PRDM16: variants seen among roughly 807,000 people sequenced by gnomAD.
PRDM16 encodes the protein PR/SET domain 16, also known as histone-lysine N-methyltransferase PRDM16.
A neutral mutation model predicts 110.6 loss-of-function variants in PRDM16; 23 were observed. That is an observed-to-expected ratio of 0.21 (90% CI 0.15 to 0.29). The LOEUF is 0.29. PRDM16 is among the 10% of genes least tolerant of loss of function. PRDM16 has a pLI of 1.00. For missense variants in PRDM16, 1,615 were observed against 1,794.3 expected, an observed-to-expected ratio of 0.90 and a Z score of 1.81; for synonymous variants, 799 against 781.8, an observed-to-expected ratio of 1.02 and a Z score of -0.37.
At chr1:3,138,825 G>C (rs1643489429) in intron 1 of PRDM16, among the ~76,000 whole-genome samples, 1 of 152,194 alleles carries the variant, frequency 6.6e-6, no homozygotes, top group South Asian at 2.1e-4. Flanking sequence ...CCCTGCATGA[G>C]GGCACACAGC....
Position 3,425,863 on chromosome 1 carries a change from TACCCCTCAGGAAGCCAACAGGC to T in PRDM16, c.3109+122_3109+143del. On this transcript the variant is annotated intron_variant, in intron 13 of 16. Transcript: ENST00000270722. This position sits in a 1 kb window ranked among gnomAD's most constrained non-coding sequence, Gnocchi z 6.9. Reference sequence around the variant, plus strand: ...CCGGGCAGGGAAGAGGGCCACAGACTACCCCTCAGGAAGCCAACAGGCACCCCTCAAACCGTGGTCATTAAAG... The same window carrying T: ...CCGGGCAGGGAAGAGGGCCACAGACTACCCCTCAAACCGTGGTCATTAAAG... 7.3e-7 allele frequency: 1 copy of T among 1,377,726 alleles called. No individual in the cohort carries two copies. Among genetic ancestry groups the T allele is most frequent in the African/African-American group, 1.4e-5 (1 of 69,734 alleles). 85.3% of individuals were successfully genotyped at this position (1,377,726 alleles called of 1,614,324 possible).
chr1:3,075,462 G>T (rs1641875789), intron 1 of PRDM16, among the ~76,000 whole-genome samples: 1 of 152,196 alleles, frequency 6.6e-6, no homozygotes, highest in Non-Finnish European at 1.5e-5. Flanking sequence ...GCGGCCTACT[G>T]GAAAAATGTA....
In PRDM16 at chr1:3,411,823, C is replaced by G. The variant is rs776687433; in HGVS notation, c.1626C>G (p.Thr542=). Residue 542 remains threonine (T), a synonymous_variant, in exon 9 of 17, where the codon ACC becomes ACG. Transcript: ENST00000270722. ...TGCTCAAGAGCCCCCTGAACCACACCCAGGACGCCAAGCTCCCCAGTCCCC... is the reference window on the plus strand; with the variant it reads ...TGCTCAAGAGCCCCCTGAACCACACGCAGGACGCCAAGCTCCCCAGTCCCC... ...TSLLKSPLNH[T]QDAKLPSPLG... is the part of the protein sequence containing the mutation. 1.2e-6 allele frequency: 2 copies of G among 1,611,226 alleles called. No homozygotes were observed. Among genetic ancestry groups the G allele is most frequent in the East Asian group, 2.2e-5 (1 of 44,798 alleles).
At chr1:3,222,366 G>A (rs545264693) in intron 2 of PRDM16, among the ~76,000 whole-genome samples, 22 of 152,332 alleles carry the variant, frequency 1.4e-4, no homozygotes, top group Admixed American at 1.3e-3. Flanking sequence ...GCTCCAGCAG[G>A]CCTGGGTGCT....
chr1:3,333,106 G>A (rs1466869503), intron 3 of PRDM16, among the ~76,000 whole-genome samples: 2 of 152,180 alleles, frequency 1.3e-5, no homozygotes, highest in Non-Finnish European at 2.9e-5. Flanking sequence ...ATCTAGGCGT[G>A]GGATTGCAGG....
intron 3 of PRDM16, chr1:3,309,372 G>C (rs1641389251): frequency 6.6e-6 from 1 of 152,332 alleles, no homozygotes; most frequent in Non-Finnish European, 1.5e-5. Context: ...TTCTTCCCGG[G>C]ATGCGAGACC....
intron 1 of PRDM16, among the ~76,000 whole-genome samples, chr1:3,079,770 C>T (rs1641977896): frequency 6.6e-6 from 1 of 152,144 alleles, no homozygotes; most frequent in African/African-American, 2.4e-5. Flanking sequence ...AGTGTGAGGA[C>T]GTGTGTGTGC....
At chr1:3,136,031 C>T (rs996255050) in intron 1 of PRDM16, among the ~76,000 whole-genome samples, 3 of 152,088 alleles carry the variant, frequency 2.0e-5, no homozygotes, top group African/African-American at 7.2e-5. Context: ...TTGTTTGGCT[C>T]GCTTTGTCCG....
In PRDM16 at chr1:3,412,591, C is replaced by CGAG. The variant is rs1557662310; in HGVS notation, c.2398_2400dup (p.Glu800dup). On this transcript the variant is annotated inframe_insertion, in exon 9 of 17. Coordinates refer to ENST00000270722, the MANE Select transcript of PRDM16 (RefSeq NM_022114.4). ...AGGGCCCCTCGGCCCCCGCATCCGG[C>CGAG]GAGGAGCAGCCGCTGGACCTGAGCA... is the stretch of plus-strand genomic sequence containing the variant. 1 of 1,602,708 alleles carries CGAG rather than the reference C, an allele frequency of 6.2e-7. No individual in the cohort carries two copies. The highest frequency in any genetic ancestry group is 8.5e-7 in the Non-Finnish European group (1 of 1,175,674).
rs371654192 is a variant in PRDM16 at position 3,412,665 on chromosome 1, G to A, written c.2468G>A (p.Arg823His). The A allele has an allele frequency of 2.5e-4, 382 of 1,524,294 alleles. 2 individuals are homozygous for A. The highest frequency in any genetic ancestry group is 1.1e-3 in the South Asian group (91 of 80,994). The allele number at this position is 1,524,294 out of a possible 1,614,324, so 94.4% of individuals were successfully genotyped here. ...ASQNGGGREP[R>H]KNHVYGERKL... ...CAAAACGGCGGCGGGCGGGAGCCCC[G>A]CAAGAACCACGTCTATGGGGAACGC... The change falls in exon 9 of 17, where the codon CGC becomes CAC. Residue 823 changes from arginine (R) to histidine (H), a missense_variant. Around this residue, in one of 5 missense-constraint regions of PRDM16, gnomAD observed 772 missense variants for 748.3 expected, o/e 1.03. Transcript: ENST00000270722.
chr1:3,118,215 A>ACGTG (rs1643013583), intron 1 of PRDM16, among the ~76,000 whole-genome samples: 1 of 151,818 alleles, frequency 6.6e-6, no homozygotes, highest in Admixed American at 6.5e-5. Context: ...ACACACGCAC[A>ACGTG]CACACACGTG....
intron 3 of PRDM16, among the ~76,000 whole-genome samples, chr1:3,343,034 A>T (rs1425702710): frequency 1.3e-5 from 2 of 152,168 alleles, no homozygotes; most frequent in African/African-American, 4.8e-5. Flanking sequence ...AAAATTGTTC[A>T]CTAGTAGGAT....
chr1:3,189,868 G>A (rs1036132983), intron 2 of PRDM16, among the ~76,000 whole-genome samples: 3 of 152,312 alleles, frequency 2.0e-5, no homozygotes, highest in African/African-American at 7.2e-5. Flanking sequence ...TAAAAGTCAC[G>A]TGGATTATTC....
At chr1:3,165,429 A>G (rs1643941062) in intron 1 of PRDM16, among the ~76,000 whole-genome samples, 1 of 125,130 alleles carries the variant, frequency 8.0e-6, no homozygotes, top group Non-Finnish European at 1.7e-5. Flanking sequence ...GGGCTCAGGG[A>G]CAGTGACTCA....
intron 3 of PRDM16, among the ~76,000 whole-genome samples, chr1:3,305,995 G>A (rs796617519): frequency 7.9e-5 from 12 of 152,340 alleles, no homozygotes; most frequent in African/African-American, 2.6e-4. Context: ...TCCCAAGCTC[G>A]AGGCATCCTT....
chr1:3,070,476 C>A (rs1156928539), intron 1 of PRDM16, among the ~76,000 whole-genome samples: 2 of 149,578 alleles, frequency 1.3e-5, no homozygotes, highest in Non-Finnish European at 3.0e-5. Flanking sequence ...AGCGAAGCGG[C>A]CAGCGCCGCG....
At chr1:3,100,321 C>G (rs1642502027) in intron 1 of PRDM16, among the ~76,000 whole-genome samples, 2 of 152,218 alleles carry the variant, frequency 1.3e-5, no homozygotes, top group African/African-American at 2.4e-5. Flanking sequence ...CGCAGAGTGA[C>G]TTTCGGCTGC....
intron 1 of PRDM16, among the ~76,000 whole-genome samples, chr1:3,136,170 G>A (rs759451019): frequency 6.6e-6 from 1 of 152,036 alleles, no homozygotes; most frequent in African/African-American, 2.4e-5. Context: ...TTGGGCCTTC[G>A]TTACAGGGGT....
chr1:3,411,146 CACTT>C (rs755131868), intron 8 of PRDM16, among the ~76,000 whole-genome samples: 1 of 152,174 alleles, frequency 6.6e-6, no homozygotes, highest in East Asian at 1.9e-4. Flanking sequence ...CAGACACGGA[CACTT>C]ACGCACACAG....
Sources: gnomAD v4.1 joint callset for allele counts (sites outside exome capture counted in the v4.1 genomes callset) on GRCh38, gnomAD v4.1.1 for gene constraint, gnomAD v4.1.1 regional missense constraint, Gnocchi (gnomAD v3.1) non-coding constraint, MANE v1.5 for transcripts, NCBI Gene and HGNC (gene_info 2026-07-23, HGNC 2026-07-21) for gene names.